AFG1L: variants seen among roughly 807,000 people sequenced by gnomAD.
The protein encoded by AFG1L is AFG1 like ATPase.
In AFG1L, 53 loss-of-function variants were observed where a neutral mutation model predicts 62.2. That is an observed-to-expected ratio of 0.85 (90% CI 0.68 to 1.07). The LOEUF is 1.07. AFG1L is among the 50% of genes least tolerant of loss of function. The probability of loss-of-function intolerance (pLI) is 0.00; values close to 1 mark genes in which losing one functional copy is unlikely to be tolerated. For synonymous variants in AFG1L, 228 were observed against 210.3 expected, an observed-to-expected ratio of 1.08 and a Z score of -0.73; for missense variants, 555 against 590.5, an observed-to-expected ratio of 0.94 and a Z score of 0.62.
At chr6:108,422,667 C>T (rs975787169) in intron 7 of AFG1L, among the ~76,000 whole-genome samples, 1 of 151,600 alleles carries the variant, frequency 6.6e-6, no homozygotes, top group Non-Finnish European at 1.5e-5. Context: ...TTTGAAACTA[C>T]GTTTAAAAAA....
intron 7 of AFG1L, among the ~76,000 whole-genome samples, chr6:108,439,578 C>T (rs1771453639): frequency 6.6e-6 from 1 of 152,082 alleles, no homozygotes; most frequent in African/African-American, 2.4e-5. Context: ...TGGTGCTAGA[C>T]TTAGAATAGT....
At chr6:108,335,085 C>T (rs1235328781) in intron 2 of AFG1L, among the ~76,000 whole-genome samples, 2 of 151,926 alleles carry the variant, frequency 1.3e-5, no homozygotes, top group East Asian at 1.9e-4. Context: ...CCTCCGCCTC[C>T]CAAGTTAAAG....
intron 10 of AFG1L, among the ~76,000 whole-genome samples, chr6:108,498,364 A>G (rs1774049272): frequency 6.6e-6 from 1 of 152,238 alleles, no homozygotes; most frequent in African/African-American, 2.4e-5. Flanking sequence ...GCCTTCTTCA[A>G]TTCTCCAGTG....
chr6:108,476,135 A>G (rs1468828826), intron 8 of AFG1L, among the ~76,000 whole-genome samples: 3 of 152,088 alleles, frequency 2.0e-5, no homozygotes, highest in African/African-American at 7.2e-5. Context: ...AGGCGAGAGG[A>G]AAAAGGCCAT....
At chr6:108,300,793 C>T (rs1188757245) in intron 1 of AFG1L, among the ~76,000 whole-genome samples, 1 of 152,014 alleles carries the variant, frequency 6.6e-6, no homozygotes, top group Non-Finnish European at 1.5e-5. Flanking sequence ...CTGCCTCAGC[C>T]TCCTGAGCAG....
intron 7 of AFG1L, among the ~76,000 whole-genome samples, chr6:108,422,848 T>C (rs1255355284): frequency 6.6e-6 from 1 of 152,090 alleles, no homozygotes; most frequent in African/African-American, 2.4e-5. Flanking sequence ...AGTTTTACTA[T>C]GACGTTTTGA....
chr6:108,466,842 T>G (rs1291763911), intron 8 of AFG1L, among the ~76,000 whole-genome samples: 1 of 151,222 alleles, frequency 6.6e-6, no homozygotes, highest in African/African-American at 2.4e-5. Flanking sequence ...GGTATTTTGT[T>G]ATGGGAGCCC....
At position 108,524,365 on chromosome 6, in the gene AFG1L, C is replaced by G. The variant is rs930033518; in HGVS notation, c.*1940C>G. ...AGTATGACCGATAGACAGACCTGTC[C>G]CTGAGTGTGAGTGTATGTAGAAGAG... On this transcript the variant is annotated 3_prime_UTR_variant, in exon 13 of 13. Transcript: ENST00000368977. The G allele has an allele frequency of 6.6e-6, 1 of 151,962 alleles. No homozygotes were observed. The highest frequency in any genetic ancestry group is 2.4e-5 in the African/African-American group (1 of 41,328). The allele number at this position is 151,962 out of a possible 1,614,324, so 9.4% of individuals were successfully genotyped here. A position where few individuals can be genotyped will look rare whatever the true frequency, so the allele number is the denominator to read the frequency against.
chr6:108,519,720 G>A lies in AFG1L; in HGVS notation c.1227G>A (p.Ser409=), dbSNP rs745724839. 12 of 1,610,240 alleles carry A rather than the reference G, an allele frequency of 7.5e-6. No individual in the cohort carries two copies. The highest frequency in any genetic ancestry group is 6.7e-5 in the Admixed American group (4 of 59,686). The part of the protein sequence containing the change: ...DLKVRIICSA[S]TPISSLFLHQ... ...AGGTGCGTATAATTTGCTCTGCGTC[G>A]ACTCCTATATCAAGCTTATTTTTGC... The change falls in exon 12 of 13, where the codon TCG becomes TCA. Residue 409 remains serine (S), a synonymous_variant. Transcript: ENST00000368977.
In AFG1L at chr6:108,514,293, T is replaced by C. The variant is rs568129315; in HGVS notation, c.1203+3941T>C. On this transcript the variant is annotated intron_variant, in intron 11 of 12. Transcript: ENST00000368977. ...AAAGGGAAGCCCATCAGACTAACAG[T>C]GGATCTCTTGGCAGAAACTACAAGC... Among the ~76,000 whole-genome samples the C allele has an allele frequency of 2.6e-5, 4 of 151,808 alleles. No individual in the cohort carries two copies. In the East Asian group the frequency reaches 5.8e-4, roughly 22 times the overall value.
intron 2 of AFG1L, among the ~76,000 whole-genome samples, chr6:108,339,417 G>A (rs1290844092): frequency 6.6e-6 from 1 of 151,086 alleles, no homozygotes; most frequent in East Asian, 1.9e-4. Flanking sequence ...TGGGATTACA[G>A]GTGTGAGCCA....
chr6:108,309,692 C>A (rs538289233), intron 1 of AFG1L, among the ~76,000 whole-genome samples: 43 of 152,012 alleles, frequency 2.8e-4, no homozygotes, highest in Admixed American at 5.9e-4. Context: ...TTTATGAAGT[C>A]TAAATACAGA....
intron 8 of AFG1L, among the ~76,000 whole-genome samples, chr6:108,474,233 A>C (rs1243208885): frequency 6.6e-6 from 1 of 152,218 alleles, no homozygotes; most frequent in Non-Finnish European, 1.5e-5. Flanking sequence ...TTCTGGCTGC[A>C]GAGTATTCCA....
At chr6:108,346,846 C>T (rs1778881406) in intron 2 of AFG1L, 142 bp from the exon 3 acceptor site, 5 of 625,316 alleles carry the variant, frequency 8.0e-6, no homozygotes, top group Admixed American at 3.1e-5. Context: ...GCTTTAAACA[C>T]TTTTATATCA....
chr6:108,350,978 C>G (rs1216560134), intron 3 of AFG1L, among the ~76,000 whole-genome samples: 1 of 152,196 alleles, frequency 6.6e-6, no homozygotes, highest in African/African-American at 2.4e-5. Context: ...ACCTGTGCAG[C>G]ATGTTACTGT....
chr6:108,514,707 T>C (rs1262989416), intron 11 of AFG1L, among the ~76,000 whole-genome samples: 1 of 152,060 alleles, frequency 6.6e-6, no homozygotes, highest in African/African-American at 2.4e-5. Context: ...ACTGGCAAAT[T>C]GGATAAAGAT....
At chr6:108,466,866 C>T (rs576333600) in intron 8 of AFG1L, among the ~76,000 whole-genome samples, 1 of 151,410 alleles carries the variant, frequency 6.6e-6, no homozygotes, top group African/African-American at 2.4e-5. Context: ...CAGACAAATG[C>T]ACCCATCACC....
chr6:108,387,659 AT>A (rs1780829152), intron 6 of AFG1L: 1 of 152,202 alleles, frequency 6.6e-6, no homozygotes, highest in South Asian at 2.1e-4. Flanking sequence ...AAGAAGAAAT[AT>A]TTTCAACATT....
chr6:108,476,583 G>A (rs1430992056), intron 8 of AFG1L, among the ~76,000 whole-genome samples: 4 of 152,132 alleles, frequency 2.6e-5, no homozygotes, highest in Admixed American at 2.0e-4. Flanking sequence ...TCTTCTCATT[G>A]TGTACACATG....
Sources: gnomAD v4.1 joint callset for allele counts (sites outside exome capture counted in the v4.1 genomes callset) on GRCh38, gnomAD v4.1.1 for gene constraint, MANE v1.5 for transcripts, NCBI Gene and HGNC (gene_info 2026-07-23, HGNC 2026-07-21) for gene names.